The following PLXNB1 variants were observed in gnomAD, a reference collection of about 807,000 sequenced individuals.
The protein encoded by PLXNB1 is plexin B1.
PLXNB1 carries 106 observed loss-of-function variants against 209.4 expected under a neutral mutation model. That is an observed-to-expected ratio of 0.51 (90% confidence interval 0.43 to 0.59). PLXNB1 has a LOEUF of 0.59. PLXNB1 is among the 20% of genes least tolerant of loss of function. PLXNB1 has a pLI of 0.00. For missense variants in PLXNB1, 2,357 were observed against 2,853.2 expected, an observed-to-expected ratio of 0.83 and a Z score of 3.96; for synonymous variants, 1,167 against 1,183.2, an observed-to-expected ratio of 0.99 and a Z score of 0.28.
At position 48,411,804 on chromosome 3, in the gene PLXNB1, C is replaced by A; in HGVS notation, c.5247+59G>T. 1 of 1,581,702 alleles carries A rather than the reference C, an allele frequency of 6.3e-7. No homozygotes were observed. Among genetic ancestry groups the A allele is most frequent in the Non-Finnish European group, 8.6e-7 (1 of 1,160,986 alleles). On this transcript the variant is annotated intron_variant, in intron 28 of 37. Coordinates refer to ENST00000296440, the MANE Select transcript of PLXNB1 (RefSeq NM_001130082.3). This position sits in a 1 kb window ranked among gnomAD's most constrained non-coding sequence, Gnocchi z 4.0. ...TGTCCAGACCCCACACACCCACACA[C>A]TCTCCACCCTCGCCCTCACCGCACT...
At chr3:48,420,622 C>A in intron 10 of PLXNB1, 43 bp downstream of exon 10, 1 of 1,498,890 alleles carries the variant, frequency 6.7e-7, no homozygotes. Flanking sequence ...CACACTGGGA[C>A]CCCCAACCCC....
chr3:48,422,209 A>G lies in PLXNB1; in HGVS notation c.1420-4T>C. ...AAGCCACAGGAACCTTCAGAAGCTG[A>G]GACAGCAAAGAGGACCTGAGGCCAG... On this transcript the variant is annotated splice_region_variant and splice_polypyrimidine_tract_variant and intron_variant, in intron 5 of 37. Transcript: ENST00000296440. The G allele has an allele frequency of 1.9e-6, 3 of 1,613,590 alleles. No homozygotes were observed. Among genetic ancestry groups the G allele is most frequent in the Non-Finnish European group, 2.5e-6 (3 of 1,179,684 alleles).
intron 21 of PLXNB1, 72 bp from the exon 22 acceptor site, chr3:48,414,143 G>A: frequency 6.7e-7 from 1 of 1,491,046 alleles, no homozygotes; most frequent in Non-Finnish European, 9.3e-7. Flanking sequence ...AATGTGGGAA[G>A]GACCCTGAGA....
In PLXNB1 at chr3:48,423,605, G is replaced by A. The variant is rs761724294; in HGVS notation, c.1007C>T (p.Thr336Met). 7.4e-6 allele frequency: 12 copies of A among 1,614,196 alleles called. 1 individual carries two copies. The highest frequency in any genetic ancestry group is 5.5e-5 in the South Asian group (5 of 91,076). Residue 336 changes from threonine to methionine, a missense_variant, in exon 3 of 38, where the codon ACG becomes ATG. By Grantham distance (81) the Thr-to-Met change is moderately conservative. Transcript: ENST00000296440. Reference protein sequence around the residue: ...LDEVDRLANRTRDACYTREGR... With the variant: ...LDEVDRLANRMRDACYTREGR... ...CTCCCGGGTGTAGCAGGCATCTCGC[G>A]TGCGATTAGCAAGCCGGTCCACCTC... is the stretch of plus-strand genomic sequence containing the variant.
At position 48,415,734 on chromosome 3, in the gene PLXNB1, G is replaced by T; in HGVS notation, c.3643C>A (p.Leu1215Met). 1.3e-6 allele frequency: 2 copies of T among 1,549,518 alleles called. No homozygotes were observed. Among genetic ancestry groups the T allele is most frequent in the Non-Finnish European group, 1.7e-6 (2 of 1,145,368 alleles). Reference sequence around the variant, plus strand: ...GGGCGTGGGCTGGTCTCACACCGCAGTTGTTCTGACTGCTGCTCCGGCAGC... The same window carrying T: ...GGGCGTGGGCTGGTCTCACACCGCATTTGTTCTGACTGCTGCTCCGGCAGC... ...HLLPEQQSEQLRCETSPRPTP... is the reference protein window; with the variant it reads ...HLLPEQQSEQMRCETSPRPTP... Residue 1215 changes from leucine (L) to methionine (M), a missense_variant, in exon 19 of 38, where the codon CTG (leucine) becomes ATG (methionine). Leu to Met is a conservative substitution (Grantham distance 15). Transcript: ENST00000296440. The surrounding 1 kb of genome is among the most constrained non-coding windows in gnomAD (Gnocchi z 5.0).
At chr3:48,423,433 C>G (rs1056382499) in intron 3 of PLXNB1, 72 bp downstream of exon 3, 47 of 1,529,724 alleles carry the variant, frequency 3.1e-5, no homozygotes, top group Non-Finnish European at 3.8e-5. Context: ...ACTCTCTGGG[C>G]AGCTCCTTGG....
At position 48,413,882 on chromosome 3, in the gene PLXNB1, C is replaced by T. The variant is rs758109721; in HGVS notation, c.4386+13G>A. On this transcript the variant is annotated intron_variant, in intron 22 of 37. Coordinates refer to ENST00000296440, the MANE Select transcript of PLXNB1 (RefSeq NM_001130082.3). The surrounding 1 kb of genome is among the most constrained non-coding windows in gnomAD (Gnocchi z 5.4). ...GGTCAATGCCCAGCCCGGCCAGGGACCTGCCCACTGACCGTGAACTCAGGC... is the reference window on the plus strand; with the variant it reads ...GGTCAATGCCCAGCCCGGCCAGGGATCTGCCCACTGACCGTGAACTCAGGC... 9 of 1,606,788 alleles carry T rather than the reference C, an allele frequency of 5.6e-6. No individual in the cohort carries two copies. Among genetic ancestry groups the T allele is most frequent in the South Asian group, 4.4e-5 (4 of 90,602 alleles).
chr3:48,423,905 TCCCGCCGCAGGAA>T lies in PLXNB1; in HGVS notation c.694_706del (p.Phe232ThrfsTer40). 6.2e-7 allele frequency: 1 copy of T among 1,613,438 alleles called. No homozygotes were observed. On this transcript the variant is annotated frameshift_variant, in exon 3 of 38. Coordinates refer to ENST00000296440, the MANE Select transcript of PLXNB1 (RefSeq NM_001130082.3). LOFTEE classifies it high-confidence loss of function. ...AAAAGCTCTAGACTGAGCCTGCAGG[TCCCGCCGCAGGAA>T]CAGGAAGTAGGCGCTGGCCCCACGT...
At position 48,404,491 on chromosome 3, in the gene PLXNB1, G is replaced by A. The variant is rs757619709; in HGVS notation, c.6403C>T (p.Leu2135=). 1.2e-6 allele frequency: 2 copies of A among 1,609,842 alleles called. No individual in the cohort carries two copies. The highest frequency in any genetic ancestry group is 2.2e-5 in the East Asian group (1 of 44,856). Residue 2135 remains leucine (L), a synonymous_variant, in exon 38 of 38, where the codon CTA becomes TTA. Coordinates refer to ENST00000296440, the MANE Select transcript of PLXNB1 (RefSeq NM_001130082.3). The part of the protein sequence containing the change: ...AAAVENKVTD[L] ...AGGCCGTGGCTCCTGGGTTCCTATA[G>A]ATCTGTGACCTTGTTTTCCACAGCA...
rs775430053 is a variant in PLXNB1 at position 48,409,449 on chromosome 3, T to C, written c.5967A>G (p.Ile1989Met). 6.2e-7 allele frequency: 1 copy of C among 1,614,110 alleles called. No homozygotes were observed. The highest frequency in any genetic ancestry group is 1.1e-5 in the South Asian group (1 of 91,082). Residue 1989 changes from isoleucine to methionine, a missense_variant, in exon 34 of 38, where the codon ATA (isoleucine) becomes ATG (methionine). Transcript: ENST00000296440. The surrounding 1 kb of genome is among the most constrained non-coding windows in gnomAD (Gnocchi z 5.8). Reference protein sequence around the residue: ...NSLPLRFWINIIKNPQFVFDV... With the variant: ...NSLPLRFWINMIKNPQFVFDV... ...CGAACACAAACTGCGGGTTTTTTAT[T>C]ATATTGATCCAGAACCTCAGAGGCA...
At chr3:48,404,687 G>T in intron 37 of PLXNB1, 97 bp from the exon 38 acceptor site, 1 of 761,136 alleles carries the variant, frequency 1.3e-6, no homozygotes, top group Non-Finnish European at 2.1e-6. Context: ...GCATGAGTGG[G>T]GTAGGAGGCC....
chr3:48,412,219 TCCA>T lies in PLXNB1; in HGVS notation c.5100+16_5100+18del. On this transcript the variant is annotated intron_variant, in intron 27 of 37. Transcript: ENST00000296440. ...TGACCCTCCCTGGACAGGAGCCCTG[TCCA>T]CCTCTGCCCCCTCACCCTCACGAAG... 3.7e-6 allele frequency: 6 copies of T among 1,612,938 alleles called. No individual in the cohort carries two copies. In the South Asian group the frequency reaches 5.5e-5, roughly 15 times the overall value.
intron 2 of PLXNB1, 100 bp downstream of exon 2, chr3:48,425,181 G>T (rs1028771092): frequency 6.5e-6 from 1 of 153,912 alleles, no homozygotes; most frequent in Admixed American, 6.4e-5. Context: ...GTTCCAGCTC[G>T]GAGGGGTGGG....
rs1400779186 is a variant in PLXNB1, at chr3:48,421,051, C to T, written c.1811-95G>A. The T allele has an allele frequency of 1.9e-5, 25 of 1,313,842 alleles. No individual in the cohort carries two copies. The East Asian group carries it at 5.4e-4, about 28-fold the overall frequency. The allele number at this position is 1,313,842 out of a possible 1,614,324, so 81.4% of individuals were successfully genotyped here. A position where few individuals can be genotyped will look rare whatever the true frequency, so the allele number is the denominator to read the frequency against. On this transcript the variant is annotated intron_variant, in intron 8 of 37. Transcript: ENST00000296440. ...GAGCCCTTGAATGGGGAAGAGGACC[C>T]GGGATGAGGGAATACAGTCCAAGGG...
At position 48,410,648 on chromosome 3, in the gene PLXNB1, C is replaced by T. The variant is rs1263653324; in HGVS notation, c.5417-90G>A. The T allele has an allele frequency of 5.7e-5, 66 of 1,157,378 alleles. No homozygotes were observed. Among genetic ancestry groups the T allele is most frequent in the Non-Finnish European group, 7.9e-5 (62 of 784,084 alleles). The allele number at this position is 1,157,378 out of a possible 1,614,324, so 71.7% of individuals were successfully genotyped here. On this transcript the variant is annotated intron_variant, in intron 29 of 37. Transcript: ENST00000296440. This position sits in a 1 kb window ranked among gnomAD's most constrained non-coding sequence, Gnocchi z 6.4. ...TCCTCCTCCACAGGGACACCAGCCC[C>T]TCCATCATGGGGCAGCCTTACTCAA... is the stretch of plus-strand genomic sequence containing the variant.
rs1018792840 is a variant in PLXNB1 at position 48,407,149 on chromosome 3, C to G, written c.6088-58G>C. ...GGAAGGAAGGATGAGGGTCCCTGTT[C>G]GAGTGATCAAGTGTCCTGGGTTTCC... On this transcript the variant is annotated intron_variant, in intron 34 of 37. Coordinates refer to ENST00000296440, the MANE Select transcript of PLXNB1 (RefSeq NM_001130082.3). 9 of 1,491,918 alleles carry G rather than the reference C, an allele frequency of 6.0e-6. No individual in the cohort carries two copies. In the Middle Eastern group the frequency reaches 8.6e-4, roughly 142 times the overall value. 92.4% of individuals were successfully genotyped at this position (1,491,918 alleles called of 1,614,324 possible). A position where few individuals can be genotyped will look rare whatever the true frequency, so the allele number is the denominator to read the frequency against.
Position 48,410,373 on chromosome 3 carries a change from T to C in PLXNB1, c.5528A>G (p.Asp1843Gly), listed in dbSNP as rs1323318501. The change falls in exon 31 of 38, where the codon GAT becomes GGT. Residue 1843 changes from aspartate (D) to glycine (G), a missense_variant. This residue lies in a region of PLXNB1 where 414 missense variants were observed against 520.5 expected (regional missense o/e 0.80). Transcript: ENST00000296440. The surrounding 1 kb of genome is among the most constrained non-coding windows in gnomAD (Gnocchi z 6.4). ...GGGGACGAGGGCCACAGTTGCTCCA[T>C]CTGGGACCTGCTGAGCACAGCTGGT... ...LNTLQHYKVP[D>G]GATVALVPCL... 1 of 1,613,608 alleles carries C rather than the reference T, an allele frequency of 6.2e-7. No individual in the cohort carries two copies. Among genetic ancestry groups the C allele is most frequent in the Non-Finnish European group, 8.5e-7 (1 of 1,179,678 alleles).
chr3:48,412,531 C>T lies in PLXNB1; in HGVS notation c.4944G>A (p.Lys1648=), dbSNP rs761645327. The T allele has an allele frequency of 6.2e-7, 1 of 1,613,566 alleles. No homozygotes were observed. Among genetic ancestry groups the T allele is most frequent in the Non-Finnish European group, 8.5e-7 (1 of 1,180,054 alleles). Residue 1648 remains lysine (K), a synonymous_variant, in exon 26 of 38, where the codon AAG becomes AAA. Coordinates refer to ENST00000296440, the MANE Select transcript of PLXNB1 (RefSeq NM_001130082.3). ...ASLLTVALHG[K]LEYFTDILRT... Reference sequence around the variant, plus strand: ...GGAGGATGTCAGTGAAATACTCAAGCTTCCCATGCAGTGCCACGGTGAGCA... The same window carrying T: ...GGAGGATGTCAGTGAAATACTCAAGTTTCCCATGCAGTGCCACGGTGAGCA...
At chr3:48,404,830 C>G (rs73074378) in intron 37 of PLXNB1, among the ~76,000 whole-genome samples, 8 of 152,072 alleles carry the variant, frequency 5.3e-5, no homozygotes, top group Non-Finnish European at 1.0e-4. Flanking sequence ...GACTCAGTAG[C>G]GAGCTCCTCA....
Sources: gnomAD v4.1 joint callset for allele counts (sites outside exome capture counted in the v4.1 genomes callset) on GRCh38, gnomAD v4.1.1 for gene constraint, gnomAD v4.1.1 regional missense constraint, Gnocchi (gnomAD v3.1) non-coding constraint, MANE v1.5 for transcripts, NCBI Gene and HGNC (gene_info 2026-07-23, HGNC 2026-07-21) for gene names.